The following CLDN14 variants were observed in gnomAD, a reference collection of about 807,000 sequenced individuals.
The protein encoded by CLDN14 is claudin-14.
Under a neutral mutation model 2.1 loss-of-function variants are expected in CLDN14, and 2 were observed. That is an observed-to-expected ratio of 0.96 (90% CI 0.39 to 3.01). The LOEUF is 3.01. CLDN14 is among the 30% of genes most tolerant of loss of function. CLDN14 has a pLI of 0.09. For synonymous variants in CLDN14, 136 were observed against 154.4 expected (o/e 0.88, Z 0.88); for missense variants, 298 against 328.0 (o/e 0.91, Z 0.71).
rs572432994 is a variant in CLDN14, at chr21:36,566,312, C to G, written c.-220+10099G>C. On this transcript the variant is annotated intron_variant, in intron 1 of 2. Transcript: ENST00000342108. ...TAATATTTGTAAAGCACTCAGTCAA[C>G]AGTAAGAGTTTGTTAAAGAAATAGA... is the stretch of plus-strand genomic sequence containing the variant. Among the ~76,000 whole-genome samples the G allele has an allele frequency of 1.2e-4, 18 of 152,306 alleles. No individual in the cohort carries two copies. In the South Asian group the frequency reaches 3.7e-3, roughly 32 times the overall value.
chr21:36,539,797 T>C (rs1391242960), intron 1 of CLDN14, among the ~76,000 whole-genome samples: 1 of 147,168 alleles, frequency 6.8e-6, no homozygotes, highest in Non-Finnish European at 1.5e-5. Flanking sequence ...GTGTGCAGTA[T>C]GTCTGCAGAT....
At chr21:36,487,019 C>G (rs1215179870) in intron 2 of CLDN14, 1 of 304,996 alleles carries the variant, frequency 3.3e-6, no homozygotes, top group Non-Finnish European at 6.2e-6. Flanking sequence ...GAGTCTTGCT[C>G]TGTCACCTAG....
intron 2 of CLDN14, among the ~76,000 whole-genome samples, chr21:36,497,666 T>C (rs959172017): frequency 6.6e-6 from 1 of 151,990 alleles, no homozygotes; most frequent in African/African-American, 2.4e-5. Flanking sequence ...CAGAAATCAG[T>C]CCTCATTTCA....
intron 1 of CLDN14, among the ~76,000 whole-genome samples, chr21:36,561,111 C>T (rs892858197): frequency 2.0e-5 from 3 of 152,156 alleles, no homozygotes; most frequent in Admixed American, 6.5e-5. Flanking sequence ...CATCCCATGC[C>T]GGCAACAGTT....
At chr21:36,574,488 A>G (rs905850543) in intron 1 of CLDN14, among the ~76,000 whole-genome samples, 49 of 152,216 alleles carry the variant, frequency 3.2e-4, no homozygotes, top group Non-Finnish European at 1.5e-5. Flanking sequence ...ATTCATAGAA[A>G]ATTCAAATAA....
chr21:36,522,661 G>A (rs1310805943), intron 1 of CLDN14, among the ~76,000 whole-genome samples: 4 of 152,332 alleles, frequency 2.6e-5, no homozygotes, highest in East Asian at 1.9e-4. Flanking sequence ...GGCTGTCCCC[G>A]GAGCCCAACA....
chr21:36,530,804 G>A (rs368979934), intron 1 of CLDN14, among the ~76,000 whole-genome samples: 1 of 152,220 alleles, frequency 6.6e-6, no homozygotes, highest in African/African-American at 2.4e-5. Context: ...GAAATGAGGA[G>A]CAAACCTTCA....
At chr21:36,567,342 T>C (rs947185651) in intron 1 of CLDN14, among the ~76,000 whole-genome samples, 2 of 152,208 alleles carry the variant, frequency 1.3e-5, no homozygotes, top group African/African-American at 4.8e-5. Context: ...GGCACATCGC[T>C]TCAATTAAGA....
At chr21:36,520,724 A>C (rs1370074716) in intron 1 of CLDN14, among the ~76,000 whole-genome samples, 1 of 152,220 alleles carries the variant, frequency 6.6e-6, no homozygotes, top group Non-Finnish European at 1.5e-5. Context: ...TATGACTTGA[A>C]TAGATCCTCT....
chr21:36,559,921 C>G (rs2087622284), intron 1 of CLDN14, among the ~76,000 whole-genome samples: 1 of 152,128 alleles, frequency 6.6e-6, no homozygotes, highest in Non-Finnish European at 1.5e-5. Flanking sequence ...AATCATTTAT[C>G]TGTATTTCAT....
rs1344052438 is a variant in CLDN14 at position 36,499,229 on chromosome 21, G to A, written c.-82+11134C>T. Among the ~76,000 whole-genome samples the A allele has an allele frequency of 6.6e-6, 1 of 152,204 alleles. No individual in the cohort carries two copies. The highest frequency in any genetic ancestry group is 2.4e-5 in the African/African-American group (1 of 41,456). ...CCTTCAGCACTTTGATGTGAATGGG[G>A]CCATTGCTTTCAGCTTTCTCCAAGG... On this transcript the variant is annotated intron_variant, in intron 2 of 2. Transcript: ENST00000342108. This position sits in a 1 kb window ranked among gnomAD's most constrained non-coding sequence, Gnocchi z 4.7.
intron 2 of CLDN14, among the ~76,000 whole-genome samples, chr21:36,497,387 GAGGAAGGAAGGGAGGGAGGGAGGGAGGA>G (rs1568859533): frequency 3.0e-5 from 1 of 33,824 alleles, no homozygotes. Flanking sequence ...GGGAGGGAGG[GAGGAAGGAAGGGAGGGAGGGAGGGAGGA>G]AGGGAGGGAG....
At chr21:36,486,040 C>G in intron 2 of CLDN14, 1 of 1,441,984 alleles carries the variant, frequency 6.9e-7, no homozygotes, top group South Asian at 1.1e-5. Flanking sequence ...CCTGGCAGGC[C>G]AGGGAGCCCA....
intron 2 of CLDN14, among the ~76,000 whole-genome samples, chr21:36,489,131 A>AAAAAAAAAAAATATAT: frequency 6.4e-5 from 4 of 62,732 alleles, no homozygotes; most frequent in African/African-American, 1.2e-4. Context: ...AAAAAAAAAA[A>AAAAAAAAAAAATATAT]ATATATATAT....
At chr21:36,492,032 G>A (rs1001223084) in intron 2 of CLDN14, among the ~76,000 whole-genome samples, 9 of 152,274 alleles carry the variant, frequency 5.9e-5, no homozygotes, top group East Asian at 1.9e-4. Context: ...GGCTGACTGC[G>A]GTGGCTCACG....
chr21:36,574,923 C>A (rs1280416607), intron 1 of CLDN14, among the ~76,000 whole-genome samples: 1 of 152,140 alleles, frequency 6.6e-6, no homozygotes, highest in Non-Finnish European at 1.5e-5. Flanking sequence ...CTTCCCTCCA[C>A]CCCACCCTGT....
chr21:36,560,113 A>C (rs924824626), intron 1 of CLDN14, among the ~76,000 whole-genome samples: 1 of 152,212 alleles, frequency 6.6e-6, no homozygotes, highest in Non-Finnish European at 1.5e-5. Context: ...GTATGTAATA[A>C]TTGTGAACAA....
intron 1 of CLDN14, among the ~76,000 whole-genome samples, chr21:36,545,663 G>GC (rs979845952): frequency 6.6e-6 from 1 of 152,102 alleles, no homozygotes; most frequent in African/African-American, 2.4e-5. Flanking sequence ...GTTAGTATCT[G>GC]CCCCCACTCT....
Position 36,497,465 on chromosome 21 carries a change from C to T in CLDN14, c.-82+12898G>A, listed in dbSNP as rs553199329. Among the ~76,000 whole-genome samples the T allele has an allele frequency of 1.6e-3, 234 of 149,390 alleles. 1 individual carries two copies. The highest frequency in any genetic ancestry group is 5.5e-3 in the African/African-American group (222 of 40,642). ...CACGCACACAGGCTCTCTTTGCTTT[C>T]CAACAGGAAGGGGCTCAGGGTCTGT... On this transcript the variant is annotated intron_variant, in intron 2 of 2. Coordinates refer to the CLDN14 transcript ENST00000342108.
Sources: allele counts gnomAD v4.1 joint callset (sites outside exome capture counted in the v4.1 genomes callset), GRCh38; gene constraint gnomAD v4.1.1; non-coding constraint Gnocchi (gnomAD v3.1); transcripts MANE v1.5; gene names NCBI Gene and HGNC (gene_info 2026-07-23, HGNC 2026-07-21).